RPRD1B: variants seen among roughly 807,000 people sequenced by gnomAD.
The protein encoded by RPRD1B is regulation of nuclear pre-mRNA domain containing 1B.
Under a neutral mutation model 41.5 loss-of-function variants are expected in RPRD1B, and 11 were observed. The ratio of observed to expected loss-of-function variants is 0.27; its 90% CI spans 0.17 to 0.44. The LOEUF (loss-of-function observed/expected upper bound fraction) is 0.44. RPRD1B is among the 20% of genes least tolerant of loss of function. RPRD1B has a pLI of 1.00. For synonymous variants in RPRD1B, 158 were observed against 155.6 expected (o/e 1.02, Z -0.12); for missense variants, 248 against 389.9 (o/e 0.64, Z 3.06).
chr20:38,041,196 T>G (rs2074062872), intron 2 of RPRD1B, among the ~76,000 whole-genome samples: 1 of 152,210 alleles, frequency 6.6e-6, no homozygotes, highest in African/African-American at 2.4e-5. Context: ...AAACAAAAGC[T>G]TTCTGTGGGC....
At position 38,092,284 on chromosome 20, in the gene RPRD1B, A is replaced by G; in HGVS notation, c.*2409A>G. The G allele has an allele frequency of 1.0e-6, 1 of 985,086 alleles. No individual in the cohort carries two copies. The highest frequency in any genetic ancestry group is 1.7e-5 in the African/African-American group (1 of 57,342). 61.0% of individuals were successfully genotyped at this position (985,086 alleles called of 1,614,324 possible). On this transcript the variant is annotated 3_prime_UTR_variant, in exon 7 of 7. Coordinates refer to ENST00000373433, the MANE Select transcript of RPRD1B (RefSeq NM_021215.4). ...TTAATTTAGGACTATTTAGAAGTAT[A>G]GGCTGTCGTTGGCGGCAGCAGTATA...
rs547435328 is a variant in RPRD1B, at chr20:38,053,502, GC to G, written c.416-4029del. ...CAAAGTGCTCCTGTCGGAGAAGAAC[GC>G]TTGCCAGTGGCCAGAGTAGCAAGGC... is the stretch of plus-strand genomic sequence containing the variant. On this transcript the variant is annotated intron_variant, in intron 3 of 6. Transcript: ENST00000373433. Among the ~76,000 whole-genome samples, 37 of 152,306 alleles carry G rather than the reference GC, an allele frequency of 2.4e-4. 1 individual carries two copies. In the East Asian group the frequency reaches 7.2e-3, roughly 29 times the overall value.
intron 6 of RPRD1B, among the ~76,000 whole-genome samples, chr20:38,075,930 A>G (rs16987137): frequency 0.028 from 4,212 of 152,310 alleles, 203 homozygotes; most frequent in African/African-American, 0.097. Flanking sequence ...AGGAAGAAGT[A>G]TGATTAGCTC....
At chr20:38,042,852 A>G (rs2122697278) in intron 2 of RPRD1B, among the ~76,000 whole-genome samples, 1 of 144,942 alleles carries the variant, frequency 6.9e-6, no homozygotes, top group Middle Eastern at 3.4e-3. Flanking sequence ...TCCACACCCA[A>G]AACAAACAAA....
chr20:38,046,070 C>G (rs1441737064), intron 2 of RPRD1B, among the ~76,000 whole-genome samples: 1 of 152,148 alleles, frequency 6.6e-6, no homozygotes, highest in African/African-American at 2.4e-5. Context: ...TTTGGCTATT[C>G]CATTTGAAGG....
chr20:38,069,306 A>C (rs1412129995), intron 6 of RPRD1B, among the ~76,000 whole-genome samples: 3 of 152,244 alleles, frequency 2.0e-5, no homozygotes, highest in Admixed American at 2.0e-4. Flanking sequence ...TGGTATAAAA[A>C]ACACAGGTGA....
Position 38,040,659 on chromosome 20 carries a change from A to C in RPRD1B, c.281+95A>C. 5.9e-6 allele frequency: 8 copies of C among 1,356,592 alleles called. No homozygotes were observed. In the South Asian group the frequency reaches 8.8e-5, roughly 15 times the overall value. The allele number at this position is 1,356,592 out of a possible 1,614,324, so 84.0% of individuals were successfully genotyped here. A position where few individuals can be genotyped will look rare whatever the true frequency, so the allele number is the denominator to read the frequency against. On this transcript the variant is annotated intron_variant, in intron 2 of 6. Coordinates refer to ENST00000373433, the MANE Select transcript of RPRD1B (RefSeq NM_021215.4). ...CTGTGATAGCCTTTGTAAATTGACA[A>C]CTTCCTACTTTACAGAGAGTTGTGG...
chr20:38,072,309 G>C (rs1412477231), intron 6 of RPRD1B, among the ~76,000 whole-genome samples: 1 of 152,124 alleles, frequency 6.6e-6, no homozygotes, highest in Non-Finnish European at 1.5e-5. Context: ...CAGCACCCTT[G>C]TCAAAAATCA....
At chr20:38,038,245 G>A (rs1687202175) in intron 1 of RPRD1B, among the ~76,000 whole-genome samples, 1 of 151,424 alleles carries the variant, frequency 6.6e-6, no homozygotes, top group Admixed American at 6.6e-5. Flanking sequence ...AGTTTCATCA[G>A]TTTAAACTGT....
intron 6 of RPRD1B, among the ~76,000 whole-genome samples, chr20:38,068,101 T>A (rs1600423090): frequency 6.6e-6 from 1 of 152,308 alleles, no homozygotes; most frequent in East Asian, 1.9e-4. Flanking sequence ...GTAGAACTAG[T>A]GGTTTGCTGG....
chr20:38,035,985 T>C (rs1962746), intron 1 of RPRD1B, among the ~76,000 whole-genome samples: 41,673 of 151,826 alleles, frequency 0.27, 7,882 homozygotes, highest in African/African-American at 0.54. Flanking sequence ...AGGATGGTCT[T>C]GATCTCCTGA....
rs2122698574 is a variant in RPRD1B at position 38,043,606 on chromosome 20, C to CAA, written c.281+3043_281+3044insAA. On this transcript the variant is annotated intron_variant, in intron 2 of 6. Coordinates refer to ENST00000373433, the MANE Select transcript of RPRD1B (RefSeq NM_021215.4). Reference sequence around the variant, plus strand: ...TTGCTGTGATGCAGGCTAGAGGTGACATTGCCTAGGACTCAGAAGCAATGG... The same window carrying CAA: ...TTGCTGTGATGCAGGCTAGAGGTGACAAATTGCCTAGGACTCAGAAGCAATGG... 2.0e-5 allele frequency among the ~76,000 whole-genome samples: 3 copies of CAA among 152,258 alleles called. No homozygotes were observed. In the South Asian group the frequency reaches 6.2e-4, roughly 32 times the overall value.
intron 1 of RPRD1B, among the ~76,000 whole-genome samples, chr20:38,036,428 C>T (rs1354576529): frequency 6.6e-6 from 1 of 152,146 alleles, no homozygotes; most frequent in Non-Finnish European, 1.5e-5. Context: ...TTAATGAGTG[C>T]CTCCCACCCC....
rs2074617413 is a variant in RPRD1B at position 38,092,276 on chromosome 20, A to G, written c.*2401A>G. ...TTTGTATATTAATTTAGGACTATTT[A>G]GAAGTATAGGCTGTCGTTGGCGGCA... On this transcript the variant is annotated 3_prime_UTR_variant, in exon 7 of 7. Coordinates refer to ENST00000373433, the MANE Select transcript of RPRD1B (RefSeq NM_021215.4). 2.0e-6 allele frequency: 2 copies of G among 984,938 alleles called. No homozygotes were observed. The highest frequency in any genetic ancestry group is 2.4e-6 in the Non-Finnish European group (2 of 829,198). 61.0% of individuals were successfully genotyped at this position (984,938 alleles called of 1,614,324 possible).
chr20:38,046,353 CTG>C (rs1201725845), intron 2 of RPRD1B, among the ~76,000 whole-genome samples: 18 of 152,258 alleles, frequency 1.2e-4, no homozygotes, highest in Admixed American at 6.5e-4. Context: ...AGTTAAGTAA[CTG>C]TATTACTTAC....
At chr20:38,077,770 A>C (rs540244736) in intron 6 of RPRD1B, among the ~76,000 whole-genome samples, 1 of 152,290 alleles carries the variant, frequency 6.6e-6, no homozygotes, top group South Asian at 2.1e-4. Flanking sequence ...CTTAGGCCCT[A>C]TAATCCATTC....
chr20:38,068,316 G>A (rs1437311824), intron 6 of RPRD1B, among the ~76,000 whole-genome samples: 3 of 152,184 alleles, frequency 2.0e-5, no homozygotes, highest in South Asian at 2.1e-4. Flanking sequence ...CCATGTCTCC[G>A]AGGCACATGA....
At chr20:38,040,297 T>C (rs2074053043) in intron 1 of RPRD1B, 138 bp from the exon 2 acceptor site, 1 of 555,872 alleles carries the variant, frequency 1.8e-6, no homozygotes, top group Non-Finnish European at 2.9e-6. Context: ...TTAGGTGGTC[T>C]TTTTAAACAT....
chr20:38,059,367 A>G (rs2074274034), intron 4 of RPRD1B, 27 bp from the exon 5 acceptor site: 1 of 1,601,578 alleles, frequency 6.2e-7, no homozygotes, highest in Non-Finnish European at 8.5e-7. Context: ...CTTAATGGGT[A>G]GTGTTGTTTG....
Sources: allele counts gnomAD v4.1 joint callset (sites outside exome capture counted in the v4.1 genomes callset), GRCh38; gene constraint gnomAD v4.1.1; transcripts MANE v1.5; gene names NCBI Gene and HGNC (gene_info 2026-07-23, HGNC 2026-07-21).